NHSL1: variants seen among roughly 807,000 people sequenced by gnomAD.
The protein encoded by NHSL1 is NHS like 1, also known as NHS-like protein 1.
NHSL1 carries 48 observed loss-of-function variants against 95.0 expected under a neutral mutation model. The observed-to-expected ratio is 0.51, with a 90% confidence interval of 0.40 to 0.64. The LOEUF (loss-of-function observed/expected upper bound fraction) is 0.64, where lower values mean the gene tolerates loss of function less well. Ranked by LOEUF, NHSL1 falls within the 30% of genes least tolerant of loss-of-function variation. The pLI is 0.00. For missense variants in NHSL1, 1,971 were observed against 2,077.7 expected, an observed-to-expected ratio of 0.95 and a Z score of 1.00; for synonymous variants, 783 against 833.9, an observed-to-expected ratio of 0.94 and a Z score of 1.05.
At chr6:138,472,008 C>T (rs1399368496) in intron 3 of NHSL1, among the ~76,000 whole-genome samples, 1 of 151,848 alleles carries the variant, frequency 6.6e-6, no homozygotes, top group Non-Finnish European at 1.5e-5. Flanking sequence ...ATGGTGAAAC[C>T]CCGTATCTAC....
Position 138,565,572 on chromosome 6 carries a change from T to C in NHSL1, c.202+6138A>G, listed in dbSNP as rs137927698. Among the ~76,000 whole-genome samples the C allele has an allele frequency of 4.4e-4, 67 of 152,146 alleles. No homozygotes were observed. The East Asian group carries it at 0.012, about 28-fold the overall frequency. ...ATGAGGACGGACATCTAGGTGCAAA[T>C]ACAGCAGACCTTTAGGAGATTAAAC... On this transcript the variant is annotated intron_variant, in intron 1 of 6. Transcript: ENST00000427025.
chr6:138,460,945 C>T (rs1012962681), intron 3 of NHSL1, among the ~76,000 whole-genome samples: 9 of 151,912 alleles, frequency 5.9e-5, no homozygotes, highest in African/African-American at 2.2e-4. Context: ...TGGCTGCCTA[C>T]TCTATGGACA....
chr6:138,484,324 T>C (rs1482001626), intron 2 of NHSL1, among the ~76,000 whole-genome samples: 1 of 152,024 alleles, frequency 6.6e-6, no homozygotes, highest in Non-Finnish European at 1.5e-5. Context: ...ACCTTTGAAA[T>C]GGACAGGTTT....
At chr6:138,666,611 A>C (rs889790050) in intron 1 of NHSL1, among the ~76,000 whole-genome samples, 1 of 144,328 alleles carries the variant, frequency 6.9e-6, no homozygotes, top group African/African-American at 2.5e-5. Flanking sequence ...AAAAAAAAAA[A>C]GAAGATGTGA....
intron 1 of NHSL1, among the ~76,000 whole-genome samples, chr6:138,621,212 C>T (rs954441880): frequency 6.6e-6 from 1 of 152,116 alleles, no homozygotes; most frequent in African/African-American, 2.4e-5. Flanking sequence ...AAATGGTATG[C>T]AAGTCAAACA....
chr6:138,475,080 C>G (rs1432658862), intron 2 of NHSL1, among the ~76,000 whole-genome samples: 1 of 148,958 alleles, frequency 6.7e-6, no homozygotes, highest in Non-Finnish European at 1.5e-5. Flanking sequence ...ACCCGGGAGG[C>G]AGAAGTTGCG....
intron 1 of NHSL1, among the ~76,000 whole-genome samples, chr6:138,579,677 G>C (rs1784023801): frequency 6.6e-6 from 1 of 152,196 alleles, no homozygotes; most frequent in South Asian, 2.1e-4. Context: ...TCCACACACA[G>C]GCTGGGATCT....
upstream of NHSL1, among the ~76,000 whole-genome samples, chr6:138,502,833 A>T (rs1780759840): frequency 1.3e-5 from 2 of 152,178 alleles, no homozygotes; most frequent in South Asian, 4.1e-4. Context: ...ATTATTGATA[A>T]ACTCCTTAGA....
At chr6:138,624,320 A>G (rs921179029) in intron 1 of NHSL1, among the ~76,000 whole-genome samples, 3 of 152,176 alleles carry the variant, frequency 2.0e-5, no homozygotes, top group African/African-American at 7.2e-5. Flanking sequence ...CTGATGTGTC[A>G]TGGACCACAT....
chr6:138,499,898 G>C (rs1223437603), upstream of NHSL1, among the ~76,000 whole-genome samples: 1 of 152,156 alleles, frequency 6.6e-6, no homozygotes, highest in African/African-American at 2.4e-5. Context: ...CGATACCAAA[G>C]GAACTTGTAC....
At chr6:138,565,820 G>A (rs1025349473) in intron 1 of NHSL1, among the ~76,000 whole-genome samples, 5 of 149,372 alleles carry the variant, frequency 3.3e-5, no homozygotes, top group South Asian at 2.1e-4. Flanking sequence ...CCCTGTGCCT[G>A]TAGTCCTAGC....
At chr6:138,600,823 T>C (rs887865158) in intron 1 of NHSL1, among the ~76,000 whole-genome samples, 1 of 152,212 alleles carries the variant, frequency 6.6e-6, no homozygotes, top group African/African-American at 2.4e-5. Flanking sequence ...TAACCTCCAA[T>C]ATTTCAACAT....
At chr6:138,624,930 T>C (rs1784715281) in intron 1 of NHSL1, among the ~76,000 whole-genome samples, 1 of 152,172 alleles carries the variant, frequency 6.6e-6, no homozygotes, top group Non-Finnish European at 1.5e-5. Context: ...CATCATGGAA[T>C]AAAAGGCCAG....
At chr6:138,658,161 T>C (rs1297848696) in intron 1 of NHSL1, among the ~76,000 whole-genome samples, 1 of 152,158 alleles carries the variant, frequency 6.6e-6, no homozygotes, top group Admixed American at 6.5e-5. Context: ...TTTACTGAGG[T>C]ATAATTGACA....
chr6:138,650,453 G>T, intron 1 of NHSL1: 1 of 1,200,354 alleles, frequency 8.3e-7, no homozygotes, highest in Non-Finnish European at 1.2e-6. Flanking sequence ...AGCATTTGGT[G>T]TGGCTCCGGA....
At chr6:138,553,453 G>C (rs1394047754) in intron 1 of NHSL1, among the ~76,000 whole-genome samples, 2 of 152,170 alleles carry the variant, frequency 1.3e-5, no homozygotes, top group Non-Finnish European at 2.9e-5. Context: ...CACCCAACGT[G>C]AGTGATCCTT....
At chr6:138,638,940 CT>C (rs1784924246) in intron 1 of NHSL1, among the ~76,000 whole-genome samples, 1 of 152,212 alleles carries the variant, frequency 6.6e-6, no homozygotes, top group South Asian at 2.1e-4. Flanking sequence ...GAGAAACTGC[CT>C]TTGGATGGGG....
chr6:138,629,539 C>T (rs1784789465), intron 1 of NHSL1, among the ~76,000 whole-genome samples: 3 of 152,076 alleles, frequency 2.0e-5, no homozygotes, highest in South Asian at 2.1e-4. Flanking sequence ...TGCACCACCA[C>T]ACCCAGTTAA....
At chr6:138,581,466 A>C (rs1784054373) in intron 1 of NHSL1, among the ~76,000 whole-genome samples, 1 of 151,918 alleles carries the variant, frequency 6.6e-6, no homozygotes, top group Non-Finnish European at 1.5e-5. Flanking sequence ...CCGAGGTGAG[A>C]GGATCACCTG....
Sources: gnomAD v4.1 joint callset for allele counts (sites outside exome capture counted in the v4.1 genomes callset) on GRCh38, gnomAD v4.1.1 for gene constraint, MANE v1.5 for transcripts, NCBI Gene and HGNC (gene_info 2026-07-23, HGNC 2026-07-21) for gene names.